The following UTP20 variants were observed in gnomAD, a reference collection of about 807,000 sequenced individuals.
UTP20 encodes UTP20 small subunit processome component.
Under a neutral mutation model 329.5 loss-of-function variants are expected in UTP20, and 164 were observed. The observed-to-expected ratio is 0.50, with a 90% CI of 0.44 to 0.57. The LOEUF (loss-of-function observed/expected upper bound fraction) is 0.57, where lower values mean the gene tolerates loss of function less well. UTP20 is among the 20% of genes least tolerant of loss of function. The probability of loss-of-function intolerance (pLI) is 0.00; values close to 1 mark genes in which losing one functional copy is unlikely to be tolerated. For missense variants in UTP20, 3,055 were observed against 3,284.2 expected, an observed-to-expected ratio of 0.93 and a Z score of 1.71; for synonymous variants, 1,151 against 1,159.3, an observed-to-expected ratio of 0.99 and a Z score of 0.14.
In UTP20 at chr12:101,368,013, T is replaced by C. The variant is rs748275994; in HGVS notation, c.6384+37T>C. On this transcript the variant is annotated intron_variant, in intron 48 of 61. Coordinates refer to ENST00000261637, the MANE Select transcript of UTP20 (RefSeq NM_014503.3). ...TTTGCACTCTGCATTGGAGCATTTA[T>C]TTCTTCAGAAGAACTATGTTTTGCA... 11 of 1,398,018 alleles carry C rather than the reference T, an allele frequency of 7.9e-6. No homozygotes were observed. The African/African-American group carries it at 1.4e-4, about 18-fold the overall frequency. 86.6% of individuals were successfully genotyped at this position (1,398,018 alleles called of 1,614,324 possible).
chr12:101,309,971 T>C, intron 19 of UTP20, 132 bp downstream of exon 19: 2 of 715,956 alleles, frequency 2.8e-6, no homozygotes, highest in South Asian at 2.2e-5. Flanking sequence ...TTTAAATCCT[T>C]TGTGAGACAA....
intron 37 of UTP20, 78 bp from the exon 38 acceptor site, chr12:101,346,373 A>C: frequency 6.8e-6 from 10 of 1,463,878 alleles, no homozygotes; most frequent in Non-Finnish European, 8.2e-6. Context: ...TTTTATGAAA[A>C]GAGAATACGA....
intron 32 of UTP20, among the ~76,000 whole-genome samples, chr12:101,341,769 G>T (rs896501528): frequency 6.6e-6 from 1 of 152,084 alleles, no homozygotes; most frequent in Non-Finnish European, 1.5e-5. Flanking sequence ...GCCTGGCATG[G>T]TGGCGTATGT....
At chr12:101,330,794 C>G (rs1037837984) in intron 27 of UTP20, among the ~76,000 whole-genome samples, 1 of 152,178 alleles carries the variant, frequency 6.6e-6, no homozygotes, top group African/African-American at 2.4e-5. Flanking sequence ...TAATCAGTAA[C>G]TCAAAGGATA....
At chr12:101,282,095 G>A (rs566073466) in intron 2 of UTP20, among the ~76,000 whole-genome samples, 2 of 152,274 alleles carry the variant, frequency 1.3e-5, no homozygotes, top group African/African-American at 4.8e-5. Context: ...ATACCTTGGC[G>A]ATCCAATCTC....
intron 51 of UTP20, among the ~76,000 whole-genome samples, chr12:101,371,713 T>C (rs935556559): frequency 2.0e-5 from 3 of 151,870 alleles, no homozygotes; most frequent in Admixed American, 1.3e-4. Flanking sequence ...TTTGTATTTT[T>C]AGTAGAGATG....
In UTP20 at chr12:101,340,082, T is replaced by A. The variant is rs565828715; in HGVS notation, c.4014-441T>A. Among the ~76,000 whole-genome samples, 27 of 152,098 alleles carry A rather than the reference T, an allele frequency of 1.8e-4. 1 individual carries two copies. The South Asian group carries it at 5.4e-3, about 30-fold the overall frequency. ...GCTGTGAGACATCAGTTTCTCTGAG[T>A]CTCAGTTTTTTTCAGGGCAAAATCA... On this transcript the variant is annotated intron_variant, in intron 31 of 61. Coordinates refer to ENST00000261637, the MANE Select transcript of UTP20 (RefSeq NM_014503.3).
chr12:101,321,388 A>G (rs879038021), intron 24 of UTP20, 116 bp from the exon 25 acceptor site: 50 of 1,413,580 alleles, frequency 3.5e-5, no homozygotes, highest in Non-Finnish European at 4.5e-5. Context: ...GATATCAACC[A>G]TAATATGTAC....
chr12:101,325,751 A>G (rs978882418), intron 25 of UTP20, among the ~76,000 whole-genome samples: 3 of 152,240 alleles, frequency 2.0e-5, no homozygotes, highest in Non-Finnish European at 4.4e-5. Flanking sequence ...TTTCTTGAAC[A>G]TGAACGCAGT....
At position 101,369,880 on chromosome 12, in the gene UTP20, A is replaced by G; in HGVS notation, c.6544A>G (p.Asn2182Asp). ...ARGQNFHLVVNCFKCVTILVK... is the reference protein window; with the variant it reads ...ARGQNFHLVVDCFKCVTILVK... ...GGGCCAGAACTTCCACCTTGTGGTC[A>G]ATTGTTTCAAGGTGAGATGTCTTCA... Residue 2182 changes from asparagine (N) to aspartate (D), a missense_variant, in exon 49 of 62, where the codon AAT becomes GAT. Transcript: ENST00000261637. 1 of 1,613,728 alleles carries G rather than the reference A, an allele frequency of 6.2e-7. No individual in the cohort carries two copies. The highest frequency in any genetic ancestry group is 8.5e-7 in the Non-Finnish European group (1 of 1,179,874).
rs1474732444 is a variant in UTP20, at chr12:101,363,758, G to A, written c.5958+15G>A. ...CATTAAAAGAGGTAAGGACGTAAAT[G>A]CAATTCTGGAGATCACAGCATTACA... On this transcript the variant is annotated intron_variant, in intron 45 of 61. Transcript: ENST00000261637. 28 of 1,533,200 alleles carry A rather than the reference G, an allele frequency of 1.8e-5. No homozygotes were observed. The highest frequency in any genetic ancestry group is 2.5e-5 in the Non-Finnish European group (28 of 1,107,566). 95.0% of individuals were successfully genotyped at this position (1,533,200 alleles called of 1,614,324 possible).
chr12:101,361,497 G>T (rs1220608917), intron 43 of UTP20, among the ~76,000 whole-genome samples: 2 of 151,846 alleles, frequency 1.3e-5, no homozygotes, highest in African/African-American at 4.8e-5. Flanking sequence ...ACGATGCCGG[G>T]TGACTGTAAT....
intron 46 of UTP20, among the ~76,000 whole-genome samples, 175 bp from the exon 47 acceptor site, chr12:101,366,383 C>A (rs1038255182): frequency 2.0e-5 from 3 of 152,002 alleles, no homozygotes; most frequent in Non-Finnish European, 1.5e-5. Flanking sequence ...CCTTAATCAA[C>A]AGCCTAATAA....
intron 2 of UTP20, 34 bp downstream of exon 2, chr12:101,281,230 G>A (rs1315448804): frequency 1.3e-6 from 2 of 1,553,846 alleles, no homozygotes; most frequent in South Asian, 2.3e-5. Flanking sequence ...ATCTTCAAGT[G>A]TTCATGGTGT....
intron 27 of UTP20, among the ~76,000 whole-genome samples, chr12:101,330,479 G>A (rs1012058035): frequency 1.6e-4 from 24 of 152,216 alleles, no homozygotes; most frequent in Admixed American, 1.1e-3. Context: ...CTCGAAGCAG[G>A]TGAGTAATAA....
intron 11 of UTP20, among the ~76,000 whole-genome samples, chr12:101,294,074 C>T (rs924988590): frequency 1.9e-4 from 29 of 151,778 alleles, no homozygotes; most frequent in East Asian, 5.8e-4. Flanking sequence ...CTCACTCTGT[C>T]GCCCAGGCTG....
chr12:101,381,118 A>C, intron 57 of UTP20, 22 bp from the exon 58 acceptor site: 1 of 1,589,582 alleles, frequency 6.3e-7, no homozygotes. Context: ...TTTGTCTACC[A>C]ATGTCCATTT....
chr12:101,300,199 G>A, intron 14 of UTP20, 138 bp downstream of exon 14: 1 of 890,546 alleles, frequency 1.1e-6, no homozygotes, highest in Non-Finnish European at 1.8e-6. Flanking sequence ...TGGAAGAAAT[G>A]AGGATATGAT....
intron 21 of UTP20, among the ~76,000 whole-genome samples, chr12:101,316,347 G>T (rs1343107890): frequency 2.0e-5 from 3 of 152,214 alleles, no homozygotes; most frequent in African/African-American, 7.2e-5. Context: ...GAGTGAACAT[G>T]CTGTTCACGG....
Sources: allele counts gnomAD v4.1 joint callset (sites outside exome capture counted in the v4.1 genomes callset), GRCh38; gene constraint gnomAD v4.1.1; transcripts MANE v1.5; gene names NCBI Gene and HGNC (gene_info 2026-07-23, HGNC 2026-07-21).